The following UNC5C variants were observed in gnomAD, a reference collection of about 807,000 sequenced individuals.
UNC5C encodes unc-5 netrin receptor C, also known as netrin receptor UNC5C.
In UNC5C, 47 loss-of-function variants were observed where a neutral mutation model predicts 99.8. That is an observed-to-expected ratio of 0.47 (90% CI 0.37 to 0.60). The LOEUF (loss-of-function observed/expected upper bound fraction) is 0.60. Ranked by LOEUF, UNC5C falls within the 20% of genes least tolerant of loss-of-function variation. The pLI is 0.00. For missense variants in UNC5C, 1,062 were observed against 1,165.9 expected, an observed-to-expected ratio of 0.91 and a Z score of 1.30; for synonymous variants, 487 against 452.2, an observed-to-expected ratio of 1.08 and a Z score of -0.98.
At chr4:95,307,529 C>A (rs1742105217) in intron 2 of UNC5C, among the ~76,000 whole-genome samples, 1 of 152,036 alleles carries the variant, frequency 6.6e-6, no homozygotes, top group African/African-American at 2.4e-5. Flanking sequence ...AGGCCCAGGA[C>A]CTGCACTTTT....
At chr4:95,238,204 GT>G (rs1486908092) in intron 7 of UNC5C, among the ~76,000 whole-genome samples, 1 of 152,024 alleles carries the variant, frequency 6.6e-6, no homozygotes, top group East Asian at 1.9e-4. Flanking sequence ...TTACAGGTGA[GT>G]TTAATTCATT....
At chr4:95,250,393 T>C in intron 5 of UNC5C, 94 bp downstream of exon 5, 5 of 1,350,104 alleles carry the variant, frequency 3.7e-6, no homozygotes, top group Non-Finnish European at 5.1e-6. Context: ...TCAAATAATA[T>C]GAAATTTTAA....
At position 95,395,900 on chromosome 4, in the gene UNC5C, C is replaced by A. The variant is rs934583003; in HGVS notation, c.125-60269G>T. Among the ~76,000 whole-genome samples the A allele has an allele frequency of 2.0e-5, 3 of 152,222 alleles. No individual in the cohort carries two copies. The South Asian group carries it at 6.2e-4, about 32-fold the overall frequency. ...CCTTCAAGCCACAAGCCCATGAAGA[C>A]TGGCCTGTTGGCCTGTCTCTGGGTC... On this transcript the variant is annotated intron_variant, in intron 1 of 15. Coordinates refer to ENST00000453304, the MANE Select transcript of UNC5C (RefSeq NM_003728.4).
chr4:95,489,690 G>A (rs193216451), intron 1 of UNC5C, among the ~76,000 whole-genome samples: 32 of 151,786 alleles, frequency 2.1e-4, no homozygotes, highest in African/African-American at 6.7e-4. Context: ...TACATATGCC[G>A]TGAAATCAGT....
chr4:95,289,091 C>A (rs1012774232), intron 3 of UNC5C, among the ~76,000 whole-genome samples: 7 of 152,074 alleles, frequency 4.6e-5, no homozygotes, highest in African/African-American at 1.7e-4. Flanking sequence ...AATTCTATTA[C>A]ATATTGTATA....
In UNC5C at chr4:95,174,229, GTCTC is replaced by G. The variant is rs570794007; in HGVS notation, c.2452-3901_2452-3898del. On this transcript the variant is annotated intron_variant, in intron 14 of 15. Transcript: ENST00000453304. ...ATTAATTTTTTGAAGGGTTTTTTGT[GTCTC>G]TATTTCCTTCAGTTCTGCTCTGATT... Among the ~76,000 whole-genome samples, 35 of 151,684 alleles carry G rather than the reference GTCTC, an allele frequency of 2.3e-4. No individual in the cohort carries two copies. The South Asian group carries it at 6.5e-3, about 28-fold the overall frequency.
intron 1 of UNC5C, among the ~76,000 whole-genome samples, chr4:95,445,426 C>T (rs953006160): frequency 6.6e-6 from 1 of 151,846 alleles, no homozygotes; most frequent in Non-Finnish European, 1.5e-5. Context: ...ATTCAGCTGG[C>T]ATGTTTTCCA....
At chr4:95,192,588 C>T (rs969252071) in intron 12 of UNC5C, among the ~76,000 whole-genome samples, 1 of 144,554 alleles carries the variant, frequency 6.9e-6, no homozygotes, top group Non-Finnish European at 1.5e-5. Context: ...ACCTCCTCAC[C>T]TTCTCACCTC....
At chr4:95,447,865 T>C (rs1335272475) in intron 1 of UNC5C, among the ~76,000 whole-genome samples, 1 of 152,172 alleles carries the variant, frequency 6.6e-6, no homozygotes, top group Non-Finnish European at 1.5e-5. Context: ...TAAGGCAGAC[T>C]GTAAAGAATA....
chr4:95,514,435 C>A (rs573499002), intron 1 of UNC5C, among the ~76,000 whole-genome samples: 124 of 151,968 alleles, frequency 8.2e-4, no homozygotes, highest in African/African-American at 2.9e-3. Flanking sequence ...ATTCTTTGAA[C>A]TCTCTTAGAG....
In UNC5C at chr4:95,272,837, T is replaced by C. The variant is rs201100714; in HGVS notation, c.594+5422A>G. On this transcript the variant is annotated intron_variant, in intron 4 of 15. Transcript: ENST00000453304. ...TCTAAACTCTTTTGCCTGAAAAGAG[T>C]GTAAAGCACCACTCTGGAGACAATA... is the stretch of plus-strand genomic sequence containing the variant. Among the ~76,000 whole-genome samples the C allele has an allele frequency of 2.6e-5, 4 of 152,208 alleles. No homozygotes were observed. The East Asian group carries it at 7.7e-4, about 29-fold the overall frequency.
chr4:95,174,544 T>G (rs554763886), intron 14 of UNC5C, among the ~76,000 whole-genome samples: 1 of 152,302 alleles, frequency 6.6e-6, no homozygotes, highest in South Asian at 2.1e-4. Flanking sequence ...TCTATGTAGT[T>G]GAGCGGTTTT....
In UNC5C at chr4:95,206,615, G is replaced by A. The variant is rs1012460880; in HGVS notation, c.1902+13C>T. The A allele has an allele frequency of 4.3e-6, 7 of 1,613,644 alleles. No individual in the cohort carries two copies. In the African/African-American group the frequency reaches 5.3e-5, roughly 12 times the overall value. On this transcript the variant is annotated intron_variant, in intron 11 of 15. Coordinates refer to ENST00000453304, the MANE Select transcript of UNC5C (RefSeq NM_003728.4). The stretch of plus-strand genomic sequence containing the variant: ...TATTCTTGCATAGCATCTTTATCCC[G>A]ACAGCAGCTCACCTCCCACTGTCCC...
chr4:95,245,268 C>T, intron 5 of UNC5C, 124 bp from the exon 6 acceptor site: 3 of 1,135,756 alleles, frequency 2.6e-6, no homozygotes, highest in Non-Finnish European at 3.5e-6. Context: ...TATAAAAATC[C>T]AAAATTTCAA....
At chr4:95,339,228 G>T (rs1438019238) in intron 1 of UNC5C, among the ~76,000 whole-genome samples, 1 of 152,036 alleles carries the variant, frequency 6.6e-6, no homozygotes, top group Non-Finnish European at 1.5e-5. Context: ...TGCAAGGGAA[G>T]GTGTGTGACT....
chr4:95,255,214 A>G (rs1739917173), intron 4 of UNC5C, among the ~76,000 whole-genome samples: 1 of 151,946 alleles, frequency 6.6e-6, no homozygotes, highest in African/African-American at 2.4e-5. Flanking sequence ...TCCTGACCTC[A>G]AGTGATCTGC....
intron 12 of UNC5C, among the ~76,000 whole-genome samples, chr4:95,199,984 C>A (rs2149359440): frequency 6.6e-6 from 1 of 152,308 alleles, no homozygotes; most frequent in South Asian, 2.1e-4. Context: ...ATCTTACAGG[C>A]TTGACTATCA....
chr4:95,426,443 C>G (rs911996644), intron 1 of UNC5C, among the ~76,000 whole-genome samples: 2 of 152,176 alleles, frequency 1.3e-5, no homozygotes, highest in Non-Finnish European at 2.9e-5. Flanking sequence ...ATAATGACCT[C>G]TAAGTGTTCA....
chr4:95,174,598 G>A (rs1450977303), intron 14 of UNC5C, among the ~76,000 whole-genome samples: 3 of 151,938 alleles, frequency 2.0e-5, no homozygotes, highest in African/African-American at 7.3e-5. Context: ...TTGCACTGTG[G>A]TCTGAGAGAT....
Sources: gnomAD v4.1 joint callset for allele counts (sites outside exome capture counted in the v4.1 genomes callset) on GRCh38, gnomAD v4.1.1 for gene constraint, MANE v1.5 for transcripts, NCBI Gene and HGNC (gene_info 2026-07-23, HGNC 2026-07-21) for gene names.